The following MARCHF8 variants were observed in gnomAD, a reference collection of about 807,000 sequenced individuals.
MARCHF8 encodes the protein membrane associated ring-CH-type finger 8.
In MARCHF8, 40 loss-of-function variants were observed where a neutral mutation model predicts 51.6. The observed-to-expected ratio is 0.77, with a 90% confidence interval of 0.60 to 1.01. The LOEUF (loss-of-function observed/expected upper bound fraction) is 1.01. Ranked by LOEUF, MARCHF8 falls within the 50% of genes least tolerant of loss-of-function variation. The pLI is 0.00. For synonymous variants in MARCHF8, 263 were observed against 280.3 expected (o/e 0.94, Z 0.62); for missense variants, 685 against 708.6 (o/e 0.97, Z 0.38).
chr10:45,552,807 T>G (rs2044210178), intron 1 of MARCHF8, among the ~76,000 whole-genome samples: 1 of 152,210 alleles, frequency 6.6e-6, no homozygotes, highest in Non-Finnish European at 1.5e-5. Flanking sequence ...CCAGTTGAAT[T>G]GTGCACATTA....
intron 3 of MARCHF8, among the ~76,000 whole-genome samples, chr10:45,472,936 C>T (rs2042720733): frequency 6.6e-6 from 1 of 152,194 alleles, no homozygotes; most frequent in South Asian, 2.1e-4. Context: ...TGTTTTGGGA[C>T]AGCTGTTTTC....
chr10:45,580,486 C>A (rs1039031489), intron 1 of MARCHF8, among the ~76,000 whole-genome samples: 5 of 152,268 alleles, frequency 3.3e-5, no homozygotes, highest in Non-Finnish European at 7.4e-5. Context: ...CCTGTGCACT[C>A]CAAGTATTTC....
chr10:45,529,266 A>G (rs2043839923), intron 2 of MARCHF8, among the ~76,000 whole-genome samples: 1 of 152,214 alleles, frequency 6.6e-6, no homozygotes, highest in South Asian at 2.1e-4. Flanking sequence ...TATACAGTAG[A>G]ATGACACTGG....
At chr10:45,587,453 T>C (rs1278794103) in intron 1 of MARCHF8, among the ~76,000 whole-genome samples, 2 of 152,156 alleles carry the variant, frequency 1.3e-5, no homozygotes, top group African/African-American at 4.8e-5. Context: ...TGGAGAGCTA[T>C]ACCATGTTCA....
chr10:45,509,096 T>C (rs1223654638), intron 2 of MARCHF8, among the ~76,000 whole-genome samples: 1 of 152,206 alleles, frequency 6.6e-6, no homozygotes, highest in Non-Finnish European at 1.5e-5. Flanking sequence ...CCAGGTACTT[T>C]GGGGCACAGG....
At chr10:45,498,527 G>C (rs1300200904) in intron 2 of MARCHF8, among the ~76,000 whole-genome samples, 1 of 151,942 alleles carries the variant, frequency 6.6e-6, no homozygotes, top group East Asian at 1.9e-4. Context: ...CCAGGCTGGA[G>C]TGCAGTGGCA....
intron 3 of MARCHF8, among the ~76,000 whole-genome samples, chr10:45,473,103 T>C (rs999308398): frequency 6.6e-6 from 1 of 152,130 alleles, no homozygotes; most frequent in Non-Finnish European, 1.5e-5. Flanking sequence ...GTAATAAAAG[T>C]GGGTCAGCAA....
intron 2 of MARCHF8, among the ~76,000 whole-genome samples, chr10:45,504,575 T>C (rs1168168784): frequency 1.3e-5 from 2 of 152,226 alleles, no homozygotes; most frequent in Admixed American, 6.5e-5. Flanking sequence ...TACAAGCCAT[T>C]AGCACAAAGC....
chr10:45,541,055 G>A (rs1412719427), intron 1 of MARCHF8, among the ~76,000 whole-genome samples: 2 of 152,136 alleles, frequency 1.3e-5, no homozygotes, highest in African/African-American at 4.8e-5. Flanking sequence ...TTGACCCAGT[G>A]ATCCCATTAC....
At chr10:45,562,133 A>G (rs913166537) in intron 1 of MARCHF8, among the ~76,000 whole-genome samples, 1 of 152,108 alleles carries the variant, frequency 6.6e-6, no homozygotes, top group African/African-American at 2.4e-5. Flanking sequence ...AACACTAAAG[A>G]GATTAAGGGA....
At chr10:45,577,578 C>T (rs2044504668) in intron 1 of MARCHF8, among the ~76,000 whole-genome samples, 1 of 152,030 alleles carries the variant, frequency 6.6e-6, no homozygotes, top group Non-Finnish European at 1.5e-5. Flanking sequence ...TTTTGCCCTT[C>T]CACTTTTCCA....
At chr10:45,503,383 A>G (rs2133153531) in intron 2 of MARCHF8, among the ~76,000 whole-genome samples, 1 of 152,164 alleles carries the variant, frequency 6.6e-6, no homozygotes, top group East Asian at 1.9e-4. Flanking sequence ...TAAAAATACA[A>G]AAATTAGCTA....
At chr10:45,577,267 C>T (rs1450657051) in intron 1 of MARCHF8, among the ~76,000 whole-genome samples, 3 of 145,930 alleles carry the variant, frequency 2.1e-5, no homozygotes, top group African/African-American at 7.5e-5. Flanking sequence ...GGTTAATGGG[C>T]ACAAAAAAAA....
chr10:45,533,058 T>G, intron 2 of MARCHF8, 52 bp downstream of exon 2: 1 of 1,441,550 alleles, frequency 6.9e-7, no homozygotes, highest in Non-Finnish European at 9.3e-7. Context: ...AGGTCATCTT[T>G]AATAAAAATT....
chr10:45,497,999 G>A (rs1394364151), intron 2 of MARCHF8, among the ~76,000 whole-genome samples: 6 of 152,114 alleles, frequency 3.9e-5, no homozygotes, highest in African/African-American at 1.4e-4. Flanking sequence ...AGCCTGAACA[G>A]ACTAATACAA....
chr10:45,514,038 A>G (rs543724703), intron 2 of MARCHF8, among the ~76,000 whole-genome samples: 56 of 152,076 alleles, frequency 3.7e-4, no homozygotes, highest in African/African-American at 1.3e-3. Context: ...TATCAATAAA[A>G]AAGATTTTTT....
At chr10:45,529,638 A>C (rs1274670152) in intron 2 of MARCHF8, among the ~76,000 whole-genome samples, 3 of 152,240 alleles carry the variant, frequency 2.0e-5, no homozygotes, top group Non-Finnish European at 4.4e-5. Context: ...CTTTTTAAAA[A>C]ATGGGCAAAG....
intron 1 of MARCHF8, among the ~76,000 whole-genome samples, chr10:45,548,852 G>A (rs180771665): frequency 1.1e-4 from 17 of 152,068 alleles, no homozygotes; most frequent in Admixed American, 3.3e-4. Context: ...GAAATTAGCC[G>A]AGAGTAGTGG....
chr10:45,537,730 T>G (rs895072827), upstream of MARCHF8, among the ~76,000 whole-genome samples: 2 of 151,814 alleles, frequency 1.3e-5, no homozygotes, highest in African/African-American at 4.8e-5. Context: ...TGATGACAGT[T>G]GTATGGAATG....
Sources: allele counts gnomAD v4.1 joint callset (sites outside exome capture counted in the v4.1 genomes callset), GRCh38; gene constraint gnomAD v4.1.1; transcripts MANE v1.5; gene names NCBI Gene and HGNC (gene_info 2026-07-23, HGNC 2026-07-21).